Variants in NLRP14 observed in about 807,000 individuals in gnomAD.
NLRP14 encodes NLR family pyrin domain containing 14, also known as NACHT, LRR and PYD domains-containing protein 14.
In NLRP14, 105 loss-of-function variants were observed where a neutral mutation model predicts 94.7. That is an observed-to-expected ratio of 1.11 (90% CI 0.95 to 1.30). The LOEUF (loss-of-function observed/expected upper bound fraction) is 1.30. Among genes scored for constraint, NLRP14 ranks in the 50% most tolerant of loss-of-function variants. The probability of loss-of-function intolerance (pLI) is 0.00; values close to 1 mark genes in which losing one functional copy is unlikely to be tolerated. For missense variants in NLRP14, 1,362 were observed against 1,254.1 expected (o/e 1.09, Z -1.30); for synonymous variants, 508 against 459.9 (o/e 1.10, Z -1.34).
At chr11:7,046,879 C>T in intron 5 of NLRP14, 47 bp downstream of exon 5, 2 of 1,420,560 alleles carry the variant, frequency 1.4e-6, no homozygotes, top group Non-Finnish European at 2.0e-6. Flanking sequence ...TAATTTCTTT[C>T]TGTGTCCCAT....
At chr11:7,063,788 T>C (rs1480201394) in intron 10 of NLRP14, among the ~76,000 whole-genome samples, 1 of 152,088 alleles carries the variant, frequency 6.6e-6, no homozygotes, top group African/African-American at 2.4e-5. Context: ...ACTTGTAGTA[T>C]TGATTTCAAA....
intron 8 of NLRP14, among the ~76,000 whole-genome samples, chr11:7,059,546 A>G (rs1491830): frequency 0.97 from 147,292 of 152,044 alleles, 71,509 homozygotes; most frequent in Middle Eastern, 1. Flanking sequence ...CTTCTATTAC[A>G]TACAAAGAGT....
chr11:7,053,024 G>T (rs10769759), intron 6 of NLRP14, among the ~76,000 whole-genome samples: 91,493 of 151,852 alleles, frequency 0.6, 28,514 homozygotes, highest in East Asian at 0.87. Context: ...TACCAAAAAA[G>T]TTTAAGTGAA....
At chr11:7,023,365 A>G (rs1196858158) in intron 1 of NLRP14, among the ~76,000 whole-genome samples, 2 of 146,562 alleles carry the variant, frequency 1.4e-5, no homozygotes, top group Non-Finnish European at 3.0e-5. Context: ...TACATATATA[A>G]ATATATATAT....
intron 5 of NLRP14, among the ~76,000 whole-genome samples, chr11:7,047,720 A>G (rs866262500): frequency 6.7e-5 from 10 of 149,754 alleles, no homozygotes; most frequent in South Asian, 2.1e-4. Context: ...ATTGATTTAT[A>G]CAGTATGTAT....
At chr11:7,060,523 G>T (rs1191241998) in intron 9 of NLRP14, among the ~76,000 whole-genome samples, 1 of 151,796 alleles carries the variant, frequency 6.6e-6, no homozygotes, top group African/African-American at 2.4e-5. Context: ...TTCTTTCCTT[G>T]GTTGTGTCCT....
At chr11:7,067,636 A>G (rs1318886216) in intron 10 of NLRP14, among the ~76,000 whole-genome samples, 1 of 152,206 alleles carries the variant, frequency 6.6e-6, no homozygotes, top group African/African-American at 2.4e-5. Context: ...CATTATATCA[A>G]CCTTGCATTT....
the NLRP14 span, chr11:7,090,655 A>G: frequency 2.9e-6 from 1 of 340,182 alleles, no homozygotes; most frequent in Admixed American, 4.6e-5. Context: ...ACATCTGCTC[A>G]CCTAAAATGG....
chr11:7,089,610 G>A, the NLRP14 span: 2 of 1,201,750 alleles, frequency 1.7e-6, no homozygotes, highest in Admixed American at 4.7e-5. Flanking sequence ...CCCCAAGAGG[G>A]CCGCGCCGTC....
Position 7,057,794 on chromosome 11 carries a change from G to A in NLRP14, c.2409G>A (p.Val803=). 1 of 1,612,384 alleles carries A rather than the reference G, an allele frequency of 6.2e-7. No homozygotes were observed. Among genetic ancestry groups the A allele is most frequent in the African/African-American group, 1.3e-5 (1 of 74,972 alleles). ...CCAATAATCTGTTGGATGATGGAGT[G>A]CAGCTTTTGTGTGAGGCCTTAAGAC... ...LSTNNLLDDG[V]QLLCEALRHP... is the part of the protein sequence containing the mutation. The change falls in exon 7 of 12, where the codon GTG becomes GTA. Residue 803 remains valine, a synonymous_variant. Coordinates refer to ENST00000299481, the MANE Select transcript of NLRP14 (RefSeq NM_176822.4).
chr11:7,072,829 C>T (rs74053510), downstream of NLRP14, among the ~76,000 whole-genome samples: 1,816 of 152,262 alleles, frequency 0.012, 45 homozygotes, highest in African/African-American at 0.042. Flanking sequence ...GGAGTCCTTT[C>T]CTTCCTGGTG....
chr11:7,042,851 G>A lies in NLRP14; in HGVS notation c.825G>A (p.Leu275=), dbSNP rs2119616951. Residue 275 remains leucine (L), a synonymous_variant, in exon 4 of 12, where the codon CTG becomes CTA. Coordinates refer to ENST00000299481, the MANE Select transcript of NLRP14 (RefSeq NM_176822.4). ...NFAFEEPEFA[L]CEDWTQEHPV... Reference sequence around the variant, plus strand: ...CCTTTGAAGAACCTGAGTTTGCACTGTGCGAAGACTGGACCCAAGAACACC... The same window carrying A: ...CCTTTGAAGAACCTGAGTTTGCACTATGCGAAGACTGGACCCAAGAACACC... 6.8e-6 allele frequency: 11 copies of A among 1,614,160 alleles called. No homozygotes were observed. Among genetic ancestry groups the A allele is most frequent in the Non-Finnish European group, 9.3e-6 (11 of 1,180,030 alleles).
At chr11:7,087,619 T>C in the NLRP14 span, among the ~76,000 whole-genome samples, 2 of 152,184 alleles carry the variant, frequency 1.3e-5, no homozygotes, top group Non-Finnish European at 2.9e-5. Flanking sequence ...TATAAGTAAA[T>C]TTATAAACTT....
downstream of NLRP14, among the ~76,000 whole-genome samples, chr11:7,074,926 G>A (rs76934318): frequency 0.038 from 5,720 of 152,214 alleles, 283 homozygotes; most frequent in African/African-American, 0.11. Context: ...GAAGAAAAAA[G>A]GAATAAAGTA....
chr11:7,038,505 T>C, intron 1 of NLRP14, 61 bp from the exon 2 acceptor site: 1 of 1,334,456 alleles, frequency 7.5e-7, no homozygotes, highest in Non-Finnish European at 1.1e-6. Flanking sequence ...TTTTCAAATC[T>C]GTCTTTTTCA....
intron 7 of NLRP14, 51 bp from the exon 8 acceptor site, chr11:7,058,229 A>G: frequency 6.7e-7 from 1 of 1,497,934 alleles, no homozygotes; most frequent in Non-Finnish European, 9.3e-7. Context: ...GGAGAAGAGA[A>G]GCATGGGCTT....
rs1852304902 is a variant in NLRP14 at position 7,043,627 on chromosome 11, G to A, written c.1601G>A (p.Gly534Asp). 1.9e-6 allele frequency: 3 copies of A among 1,614,064 alleles called. No individual in the cohort carries two copies. The highest frequency in any genetic ancestry group is 1.1e-5 in the South Asian group (1 of 91,068). ...HLTQMKCFLF[G>D]LLNEDRVKQL... ...ACACAGATGAAGTGCTTTTTGTTTG[G>A]CCTTTTGAATGAAGATCGAGTAAAA... Residue 534 changes from glycine (G) to aspartate (D), a missense_variant, in exon 4 of 12, where the codon GGC (glycine) becomes GAC (aspartate). Gly to Asp is a moderately conservative substitution (Grantham distance 94). Coordinates refer to ENST00000299481, the MANE Select transcript of NLRP14 (RefSeq NM_176822.4).
intron 1 of NLRP14, among the ~76,000 whole-genome samples, chr11:7,026,795 G>T (rs1852021165): frequency 7.4e-6 from 1 of 134,848 alleles, no homozygotes; most frequent in African/African-American, 2.8e-5. Context: ...AGAAAATGTG[G>T]CACATATACA....
rs61063081 is a variant in NLRP14, at chr11:7,038,750, G to A, written c.164G>A (p.Arg55Gln). Residue 55 changes from arginine to glutamine, a missense_variant, in exon 2 of 12, where the codon CGG becomes CAG. Arg to Gln is a conservative substitution (Grantham distance 43, BLOSUM62 1). Coordinates refer to ENST00000299481, the MANE Select transcript of NLRP14 (RefSeq NM_176822.4). ...TPWNEVKKAR[R>Q]EDLANLMKKY... Reference sequence around the variant, plus strand: ...TGGAATGAAGTGAAGAAGGCCAGGCGGGAGGACCTGGCCAATTTGATGAAG... The same window carrying A: ...TGGAATGAAGTGAAGAAGGCCAGGCAGGAGGACCTGGCCAATTTGATGAAG... 0.19 allele frequency: 307,050 copies of A among 1,613,480 alleles called. 31,931 individuals are homozygous for A. Among genetic ancestry groups the A allele is most frequent in the Non-Finnish European group, 0.22 (258,580 of 1,179,558 alleles).
Sources: allele counts gnomAD v4.1 joint callset (sites outside exome capture counted in the v4.1 genomes callset), GRCh38; gene constraint gnomAD v4.1.1; transcripts MANE v1.5; gene names NCBI Gene and HGNC (gene_info 2026-07-23, HGNC 2026-07-21).